VWDE: variants seen among roughly 807,000 people sequenced by gnomAD.
VWDE encodes the protein von Willebrand factor D and EGF domain-containing protein.
A neutral mutation model predicts 178.4 loss-of-function variants in VWDE; 207 were observed. The observed-to-expected ratio is 1.16, with a 90% CI of 1.04 to 1.30. The LOEUF is 1.30. Among genes scored for constraint, VWDE ranks in the 50% most tolerant of loss-of-function variants. The probability of loss-of-function intolerance (pLI) is 0.00; values close to 1 mark genes in which losing one functional copy is unlikely to be tolerated. For missense variants in VWDE, 2,287 were observed against 1,901.3 expected (o/e 1.20, Z -3.77); for synonymous variants, 738 against 651.4 (o/e 1.13, Z -2.02).
intron 2 of VWDE, 121 bp downstream of exon 2, chr7:12,393,473 A>T (rs1784480840): frequency 1.2e-6 from 1 of 823,768 alleles, no homozygotes; most frequent in Non-Finnish European, 1.8e-6. Flanking sequence ...TTTCAGATTA[A>T]CTCAATACAA....
intron 1 of VWDE, among the ~76,000 whole-genome samples, chr7:12,402,768 GT>G (rs1562528419): frequency 6.6e-6 from 1 of 152,056 alleles, no homozygotes; most frequent in Non-Finnish European, 1.5e-5. Flanking sequence ...ATAGGATAGT[GT>G]TTGTATTCCC....
intron 17 of VWDE, among the ~76,000 whole-genome samples, chr7:12,356,879 A>T (rs2128552017): frequency 6.6e-6 from 1 of 152,286 alleles, no homozygotes; most frequent in African/African-American, 2.4e-5. Flanking sequence ...TATTTATCTC[A>T]AGTTGTATTT....
chr7:12,380,452 C>A, intron 5 of VWDE, 34 bp downstream of exon 5: 1 of 1,535,064 alleles, frequency 6.5e-7, no homozygotes, highest in Non-Finnish European at 8.8e-7. Flanking sequence ...TCAATACATT[C>A]ATGAAAATAA....
chr7:12,385,784 G>C (rs1784067958), intron 3 of VWDE, among the ~76,000 whole-genome samples: 1 of 145,122 alleles, frequency 6.9e-6, no homozygotes, highest in Non-Finnish European at 1.5e-5. Flanking sequence ...GCATATGTTT[G>C]ATTAACAGAC....
chr7:12,367,075 A>G (rs1483844773), intron 13 of VWDE, among the ~76,000 whole-genome samples: 1 of 152,076 alleles, frequency 6.6e-6, no homozygotes, highest in Admixed American at 6.6e-5. Context: ...TTACATTTCA[A>G]GAAATACAGA....
chr7:12,380,472 GT>G lies in VWDE; in HGVS notation c.789+13del. On this transcript the variant is annotated intron_variant, in intron 5 of 28. Transcript: ENST00000275358. Reference sequence around the variant, plus strand: ...ACATTCATGAAAATAAAATGCAACTGTTTTTTAACATACCCTGTCTCCAAGT... The same window carrying G: ...ACATTCATGAAAATAAAATGCAACTGTTTTTAACATACCCTGTCTCCAAGT... 3 of 1,544,642 alleles carry G rather than the reference GT, an allele frequency of 1.9e-6. No individual in the cohort carries two copies. In the South Asian group the frequency reaches 3.6e-5, roughly 19 times the overall value.
chr7:12,331,949 G>A (rs3815530), intron 28 of VWDE, among the ~76,000 whole-genome samples: 1 of 151,910 alleles, frequency 6.6e-6, no homozygotes, highest in South Asian at 2.1e-4. Context: ...TTCTAGCAAT[G>A]CAATCAGTAA....
At chr7:12,375,897 T>C (rs1164263511) in intron 7 of VWDE, among the ~76,000 whole-genome samples, 1 of 152,012 alleles carries the variant, frequency 6.6e-6, no homozygotes, top group Non-Finnish European at 1.5e-5. Flanking sequence ...CTCCAGGAAT[T>C]TGTATAACTA....
intron 13 of VWDE, among the ~76,000 whole-genome samples, chr7:12,366,906 AT>A: frequency 6.6e-6 from 1 of 152,174 alleles, no homozygotes. Context: ...GATAAATACT[AT>A]TTTTTAAAGG....
At chr7:12,349,272 T>C (rs1389627132) in intron 19 of VWDE, among the ~76,000 whole-genome samples, 2 of 128,760 alleles carry the variant, frequency 1.6e-5, no homozygotes, top group African/African-American at 3.2e-5. Context: ...ATATATGATA[T>C]TTAAATTCAA....
chr7:12,374,817 T>C (rs950750045), intron 8 of VWDE, 55 bp from the exon 9 acceptor site: 3 of 1,223,834 alleles, frequency 2.5e-6, no homozygotes, highest in Admixed American at 2.7e-5. Flanking sequence ...TTTAGTGATA[T>C]ATAAAAAATT....
chr7:12,370,185 G>C lies in VWDE; in HGVS notation c.2121C>G (p.Leu707=). Residue 707 remains leucine, a synonymous_variant, in exon 12 of 29, where the codon CTC becomes CTG. Coordinates refer to ENST00000275358, the MANE Select transcript of VWDE (RefSeq NM_001135924.3). ...CAGGATGTTTTTGTACATTTAAGCC[G>C]AGTTTAGTCAGGTTTATGTGTTTTT... The part of the protein sequence containing the change: ...QEKKHINLTK[L]GLNVQKHPGN... The C allele has an allele frequency of 6.4e-7, 1 of 1,551,346 alleles. No individual in the cohort carries two copies. Among genetic ancestry groups the C allele is most frequent in the East Asian group, 2.4e-5 (1 of 40,904 alleles).
chr7:12,403,421 G>C (rs1372434392), intron 1 of VWDE, among the ~76,000 whole-genome samples: 1 of 152,234 alleles, frequency 6.6e-6, no homozygotes, highest in Non-Finnish European at 1.5e-5. Context: ...GGGTCGTAGA[G>C]TAAGAGGAGG....
At chr7:12,362,081 G>T (rs1158981926) in intron 13 of VWDE, among the ~76,000 whole-genome samples, 1 of 152,016 alleles carries the variant, frequency 6.6e-6, no homozygotes, top group Non-Finnish European at 1.5e-5. Context: ...TGTCATGTCA[G>T]TTGGCCTCTG....
chr7:12,385,003 C>CA (rs1784029187), intron 3 of VWDE, among the ~76,000 whole-genome samples: 1 of 151,952 alleles, frequency 6.6e-6, no homozygotes, highest in Non-Finnish European at 1.5e-5. Flanking sequence ...AGTAGAAATA[C>CA]AAAAAATATA....
At chr7:12,403,178 A>G (rs923168070) in intron 1 of VWDE, among the ~76,000 whole-genome samples, 14 of 152,214 alleles carry the variant, frequency 9.2e-5, no homozygotes, top group African/African-American at 3.1e-4. Flanking sequence ...TAATACGGAT[A>G]TACAAAACTT....
chr7:12,388,002 C>G lies in VWDE; in HGVS notation c.475+1125G>C, dbSNP rs901384027. Among the ~76,000 whole-genome samples the G allele has an allele frequency of 3.9e-5, 6 of 152,102 alleles. No individual in the cohort carries two copies. In the South Asian group the frequency reaches 1.2e-3, roughly 32 times the overall value. On this transcript the variant is annotated intron_variant, in intron 3 of 28. Coordinates refer to ENST00000275358, the MANE Select transcript of VWDE (RefSeq NM_001135924.3). The stretch of plus-strand genomic sequence containing the variant: ...GAGATTTACCTTAGGAGTGCACTCT[C>G]AAATAAATAAACTGAAGACTGTACT...
Position 12,370,523 on chromosome 7 carries a change from A to G in VWDE, c.1797-14T>C, listed in dbSNP as rs531184046. On this transcript the variant is annotated splice_polypyrimidine_tract_variant and intron_variant, in intron 11 of 28. Coordinates refer to ENST00000275358, the MANE Select transcript of VWDE (RefSeq NM_001135924.3). ...CCTGGTAAAATCCTTCCAGATGGAAAACAGGAAAGAATAGTAATTTTGTAC... is the reference window on the plus strand; with the variant it reads ...CCTGGTAAAATCCTTCCAGATGGAAGACAGGAAAGAATAGTAATTTTGTAC... 1.3e-3 allele frequency: 2,037 copies of G among 1,533,660 alleles called. 6 individuals are homozygous for G. Among genetic ancestry groups the G allele is most frequent in the Non-Finnish European group, 1.6e-3 (1,789 of 1,141,244 alleles).
intron 24 of VWDE, 73 bp downstream of exon 24, chr7:12,340,249 C>T: frequency 8.5e-7 from 1 of 1,181,350 alleles, no homozygotes; most frequent in South Asian, 1.5e-5. Context: ...AAACTTGTCT[C>T]ATGTTTACTC....
Sources: allele counts gnomAD v4.1 joint callset (sites outside exome capture counted in the v4.1 genomes callset), GRCh38; gene constraint gnomAD v4.1.1; transcripts MANE v1.5; gene names NCBI Gene and HGNC (gene_info 2026-07-23, HGNC 2026-07-21).